The following UBAC2 variants were observed in gnomAD, a reference collection of about 807,000 sequenced individuals.
The protein encoded by UBAC2 is ubiquitin-associated domain-containing protein 2.
Under a neutral mutation model 44.0 loss-of-function variants are expected in UBAC2, and 26 were observed. The observed-to-expected ratio is 0.59, with a 90% CI of 0.43 to 0.82. The LOEUF is 0.82. UBAC2 is among the 40% of genes least tolerant of loss of function. UBAC2 has a pLI of 0.00. For missense variants in UBAC2, 329 were observed against 419.4 expected (o/e 0.78, Z 1.88); for synonymous variants, 155 against 154.3 (o/e 1.00, Z -0.04).
intron 7 of UBAC2, among the ~76,000 whole-genome samples, chr13:99,359,730 G>A (rs973292858): frequency 2.0e-5 from 3 of 152,214 alleles, no homozygotes; most frequent in African/African-American, 7.2e-5. Flanking sequence ...ACATTTGAAA[G>A]CCTTGGTCCA....
chr13:99,245,455 T>C (rs1183552101), intron 4 of UBAC2, among the ~76,000 whole-genome samples: 3 of 152,204 alleles, frequency 2.0e-5, no homozygotes. Flanking sequence ...TGCTTTCATA[T>C]TGCGTTGATC....
intron 4 of UBAC2, chr13:99,308,775 C>A (rs2044373175): frequency 1.3e-5 from 2 of 152,188 alleles, no homozygotes; most frequent in Admixed American, 6.5e-5. Context: ...CAGCTGAATT[C>A]TTTGGGCCGC....
rs968649799 is a variant in UBAC2 at position 99,254,729 on chromosome 13, A to G, written c.389+10105A>G. The G allele has an allele frequency of 3.5e-5, 22 of 628,182 alleles. No individual in the cohort carries two copies. In the African/African-American group the frequency reaches 3.5e-4, roughly 10 times the overall value. 38.9% of individuals were successfully genotyped at this position (628,182 alleles called of 1,614,324 possible). A position where few individuals can be genotyped will look rare whatever the true frequency, so the allele number is the denominator to read the frequency against. Reference sequence around the variant, plus strand: ...GCTTTTCTCTGAATAATTCACAAAAATGTTTTATATAAGTTTTTAAAATGA... The same window carrying G: ...GCTTTTCTCTGAATAATTCACAAAAGTGTTTTATATAAGTTTTTAAAATGA... On this transcript the variant is annotated intron_variant, in intron 4 of 8. Coordinates refer to ENST00000403766, the MANE Select transcript of UBAC2 (RefSeq NM_001144072.2).
At position 99,343,142 on chromosome 13, in the gene UBAC2, C is replaced by T. The variant is rs556804232; in HGVS notation, c.807+2577C>T. Among the ~76,000 whole-genome samples the T allele has an allele frequency of 9.1e-4, 139 of 152,294 alleles. 1 individual carries two copies. The highest frequency in any genetic ancestry group is 1.7e-3 in the Non-Finnish European group (117 of 68,014). On this transcript the variant is annotated intron_variant, in intron 7 of 8. Coordinates refer to ENST00000403766, the MANE Select transcript of UBAC2 (RefSeq NM_001144072.2). ...CCCCACCTATGCTGAGCCCAGATGC[C>T]CGTGTCCATCTGATGATGGGTTTCT...
intron 4 of UBAC2, among the ~76,000 whole-genome samples, chr13:99,277,119 C>T (rs899169368): frequency 4.6e-5 from 7 of 152,230 alleles, no homozygotes; most frequent in Middle Eastern, 6.8e-3. Flanking sequence ...ATCATCTACT[C>T]TTCATCTTTG....
At position 99,386,180 on chromosome 13, in the gene UBAC2, CT is replaced by C. The variant is rs1212506187; in HGVS notation, c.*846del. The C allele has an allele frequency of 6.6e-6, 1 of 152,260 alleles. No homozygotes were observed. Among genetic ancestry groups the C allele is most frequent in the Non-Finnish European group, 1.5e-5 (1 of 68,102 alleles). 9.4% of individuals were successfully genotyped at this position (152,260 alleles called of 1,614,324 possible). On this transcript the variant is annotated 3_prime_UTR_variant, in exon 9 of 9. Transcript: ENST00000403766. ...TCCTGGCTCGCAGCCAGCCAGCCCCCTGGCAGCAGGTTCTCCTCAGGGCTTG... is the reference window on the plus strand; with the variant it reads ...TCCTGGCTCGCAGCCAGCCAGCCCCCGGCAGCAGGTTCTCCTCAGGGCTTG...
intron 4 of UBAC2, among the ~76,000 whole-genome samples, chr13:99,257,646 G>A (rs1269178205): frequency 1.3e-5 from 2 of 152,094 alleles, no homozygotes; most frequent in African/African-American, 4.8e-5. Context: ...AAAAGTGATT[G>A]ACTTTAAAGT....
intron 7 of UBAC2, among the ~76,000 whole-genome samples, chr13:99,345,588 T>C (rs1410323565): frequency 2.6e-5 from 4 of 152,068 alleles, no homozygotes. Flanking sequence ...CTCACCACTT[T>C]ATTGAGCTCA....
At chr13:99,373,737 C>A (rs903416107) in intron 8 of UBAC2, among the ~76,000 whole-genome samples, 1 of 152,090 alleles carries the variant, frequency 6.6e-6, no homozygotes, top group African/African-American at 2.4e-5. Context: ...AGGGCCGGGG[C>A]ACTTCTTGGG....
rs1462233997 is a variant in UBAC2, at chr13:99,212,511, C to T, written c.31+11572C>T. Among the ~76,000 whole-genome samples, 11 of 152,150 alleles carry T rather than the reference C, an allele frequency of 7.2e-5. No individual in the cohort carries two copies. The East Asian group carries it at 2.1e-3, about 29-fold the overall frequency. The stretch of plus-strand genomic sequence containing the variant: ...CTAATCTTTGGAAAGGGTTCTGTAG[C>T]CAAGTTAGGTTGGGAATGTTGTTGG... On this transcript the variant is annotated intron_variant, in intron 1 of 8. Coordinates refer to ENST00000403766, the MANE Select transcript of UBAC2 (RefSeq NM_001144072.2).
chr13:99,325,058 A>G (rs1248591580), intron 6 of UBAC2, among the ~76,000 whole-genome samples: 1 of 149,188 alleles, frequency 6.7e-6, no homozygotes, highest in Admixed American at 6.7e-5. Context: ...TAGTGGAGAC[A>G]GGATTCAAAT....
At chr13:99,251,560 A>G (rs1448546874) in intron 4 of UBAC2, among the ~76,000 whole-genome samples, 1 of 152,206 alleles carries the variant, frequency 6.6e-6, no homozygotes, top group Non-Finnish European at 1.5e-5. Context: ...AAAGCATTCC[A>G]TACAATGCTG....
At position 99,232,399 on chromosome 13, in the gene UBAC2, G is replaced by GATAT. The variant is rs1555321112; in HGVS notation, c.32-6026_32-6023dup. Reference sequence around the variant, plus strand: ...AGACCCTGTCCATCCTTAGTTGAGAGATATAGATATATATATATATATTCA... The same window carrying GATAT: ...AGACCCTGTCCATCCTTAGTTGAGAGATATATATAGATATATATATATATATTCA... On this transcript the variant is annotated intron_variant, in intron 1 of 8. Coordinates refer to ENST00000403766, the MANE Select transcript of UBAC2 (RefSeq NM_001144072.2). 3.1e-4 allele frequency among the ~76,000 whole-genome samples: 34 copies of GATAT among 109,956 alleles called. 2 individuals are homozygous for GATAT. The highest frequency in any genetic ancestry group is 1.2e-3 in the East Asian group (4 of 3,400). The allele number at this position is 109,956 out of a possible 152,430, so 72.1% of individuals were successfully genotyped here.
At chr13:99,367,658 A>G (rs1403027023) in intron 7 of UBAC2, 129 bp from the exon 8 acceptor site, 2 of 1,297,420 alleles carry the variant, frequency 1.5e-6, no homozygotes, top group African/African-American at 3.0e-5. Flanking sequence ...AATTGCTTGC[A>G]TAGAGCGGAT....
intron 4 of UBAC2, among the ~76,000 whole-genome samples, chr13:99,270,873 A>T (rs2043806675): frequency 6.6e-6 from 1 of 152,272 alleles, no homozygotes; most frequent in South Asian, 2.1e-4. Context: ...ACTTCCTTGT[A>T]TAAAGTAGCC....
chr13:99,329,896 C>A (rs2044690617), intron 6 of UBAC2, among the ~76,000 whole-genome samples: 1 of 152,188 alleles, frequency 6.6e-6, no homozygotes, highest in African/African-American at 2.4e-5. Context: ...TTGTTTCAAG[C>A]CACTGAGTCT....
chr13:99,368,688 A>AGTGTGTGTGTGTGTGTGTGTGTGTGTGT, intron 8 of UBAC2, among the ~76,000 whole-genome samples: 1 of 146,698 alleles, frequency 6.8e-6, no homozygotes, highest in African/African-American at 2.5e-5. Flanking sequence ...CTCATGAGAG[A>AGTGTGTGTGTGTGTGTGTGTGTGTGTGT]GTGTGTGTGT....
chr13:99,241,283 A>G (rs1303016002), intron 2 of UBAC2, among the ~76,000 whole-genome samples: 1 of 149,776 alleles, frequency 6.7e-6, no homozygotes, highest in Non-Finnish European at 1.5e-5. Flanking sequence ...AAAAAAAAAA[A>G]GAAAAGAGTT....
Position 99,238,168 on chromosome 13 carries a change from C to G in UBAC2, c.32-259C>G, listed in dbSNP as rs896672040. Reference sequence around the variant, plus strand: ...TTCTGAAAGGTGTTCTATGGAAGTTCTGGCTGTAAACTTGGTCTCATTTAA... The same window carrying G: ...TTCTGAAAGGTGTTCTATGGAAGTTGTGGCTGTAAACTTGGTCTCATTTAA... On this transcript the variant is annotated intron_variant, in intron 1 of 8. Coordinates refer to ENST00000403766, the MANE Select transcript of UBAC2 (RefSeq NM_001144072.2). 5.3e-5 allele frequency among the ~76,000 whole-genome samples: 8 copies of G among 152,178 alleles called. 1 individual carries two copies. Among genetic ancestry groups the G allele is most frequent in the Non-Finnish European group, 1.5e-5 (1 of 68,034 alleles).
Sources: gnomAD v4.1 joint callset for allele counts (sites outside exome capture counted in the v4.1 genomes callset) on GRCh38, gnomAD v4.1.1 for gene constraint, MANE v1.5 for transcripts, NCBI Gene and HGNC (gene_info 2026-07-23, HGNC 2026-07-21) for gene names.